Variants in WDR17 observed in about 807,000 individuals in gnomAD.
The protein encoded by WDR17 is WD repeat domain 17.
A neutral mutation model predicts 161.7 loss-of-function variants in WDR17; 143 were observed. The ratio of observed to expected loss-of-function variants is 0.88; its 90% CI spans 0.77 to 1.02. WDR17 has a LOEUF of 1.02. WDR17 is among the 50% of genes least tolerant of loss of function. The pLI, the probability that WDR17 is intolerant of heterozygous loss-of-function variation, is 0.00. For missense variants in WDR17, 1,469 were observed against 1,520.9 expected, an observed-to-expected ratio of 0.97 and a Z score of 0.57; for synonymous variants, 517 against 515.6, an observed-to-expected ratio of 1.00 and a Z score of -0.04.
intron 6 of WDR17, among the ~76,000 whole-genome samples, chr4:176,129,208 A>C (rs948811790): frequency 6.6e-6 from 1 of 152,114 alleles, no homozygotes; most frequent in Non-Finnish European, 1.5e-5. Flanking sequence ...GGGAGAATTT[A>C]TGTTTTAAAC....
rs1229238068 is a variant in WDR17, at chr4:176,135,219, G to A, written c.1210G>A (p.Ala404Thr). 3 of 1,612,350 alleles carry A rather than the reference G, an allele frequency of 1.9e-6. No individual in the cohort carries two copies. The highest frequency in any genetic ancestry group is 1.7e-6 in the Non-Finnish European group (2 of 1,178,680). The change falls in exon 8 of 29, where the codon GCA becomes ACA. Residue 404 changes from alanine (A) to threonine (T), a missense_variant. Coordinates refer to ENST00000508596, the MANE Select transcript of WDR17 (RefSeq NM_181265.4). ...IKVWDINTLTAVYTSPGNEGV... is the reference protein window; with the variant it reads ...IKVWDINTLTTVYTSPGNEGV... ...AGTCTGGGATATAAACACATTAACA[G>A]CAGTGTACACATCCCCGGGTAATGA...
At chr4:176,119,468 TA>T (rs1741192291) in intron 3 of WDR17, among the ~76,000 whole-genome samples, 1 of 152,160 alleles carries the variant, frequency 6.6e-6, no homozygotes, top group South Asian at 2.1e-4. Context: ...AACACACATT[TA>T]AAATTCTCTA....
intron 1 of WDR17, among the ~76,000 whole-genome samples, chr4:176,082,638 G>A (rs969848299): frequency 6.6e-6 from 1 of 152,086 alleles, no homozygotes; most frequent in Non-Finnish European, 1.5e-5. Context: ...GGAAGAAAAA[G>A]GGTGAGCTGA....
chr4:176,120,319 T>TAA (rs56183843), intron 4 of WDR17, among the ~76,000 whole-genome samples: 39 of 138,794 alleles, frequency 2.8e-4, no homozygotes, highest in African/African-American at 9.5e-4. Flanking sequence ...TATATATATA[T>TAA]AATACATTCA....
chr4:176,072,382 A>G (rs1015749308), intron 1 of WDR17, among the ~76,000 whole-genome samples: 1 of 152,228 alleles, frequency 6.6e-6, no homozygotes. Flanking sequence ...CTCCACTCCA[A>G]GGTTCTCATT....
chr4:176,111,046 A>C (rs1294303621), intron 1 of WDR17, among the ~76,000 whole-genome samples: 1 of 152,228 alleles, frequency 6.6e-6, no homozygotes, highest in Non-Finnish European at 1.5e-5. Flanking sequence ...TTTTGTGAGG[A>C]TGAAGAGTTG....
At chr4:176,158,833 C>T (rs1430057129) in intron 18 of WDR17, among the ~76,000 whole-genome samples, 1 of 152,164 alleles carries the variant, frequency 6.6e-6, no homozygotes, top group East Asian at 1.9e-4. Context: ...GTGGTCTCTC[C>T]ACAACTCCTG....
At chr4:176,145,872 T>G in intron 11 of WDR17, 123 bp from the exon 12 acceptor site, 1 of 794,448 alleles carries the variant, frequency 1.3e-6, no homozygotes, top group East Asian at 2.8e-5. Flanking sequence ...ATGTAAGTTT[T>G]TAGTCTAACT....
chr4:176,074,403 T>A (rs952670781), intron 1 of WDR17, among the ~76,000 whole-genome samples: 1 of 151,630 alleles, frequency 6.6e-6, no homozygotes, highest in Non-Finnish European at 1.5e-5. Context: ...TTGTGATATA[T>A]ACTACACATA....
chr4:176,145,654 C>A (rs1746040240), intron 11 of WDR17, among the ~76,000 whole-genome samples: 2 of 152,170 alleles, frequency 1.3e-5, no homozygotes, highest in African/African-American at 4.8e-5. Flanking sequence ...CTAAGTGTTG[C>A]AGAATGTAAA....
rs959218955 is a variant in WDR17 at position 176,128,803 on chromosome 4, T to G, written c.856T>G (p.Leu286Val). 13 of 1,606,916 alleles carry G rather than the reference T, an allele frequency of 8.1e-6. No homozygotes were observed. The highest frequency in any genetic ancestry group is 9.3e-6 in the Non-Finnish European group (11 of 1,177,102). The change falls in exon 6 of 29, where the codon TTA (leucine) becomes GTA (valine). Residue 286 changes from leucine (L) to valine (V), a missense_variant. Coordinates refer to ENST00000508596, the MANE Select transcript of WDR17 (RefSeq NM_181265.4). Reference sequence around the variant, plus strand: ...AACAACACCTATTGATAATCTTAAATTAAAGAAAACAGGATTTCACTGCTT... The same window carrying G: ...AACAACACCTATTGATAATCTTAAAGTAAAGAAAACAGGATTTCACTGCTT... The part of the protein sequence containing the change: ...SRTTPIDNLK[L>V]KKTGFHCLHV...
At chr4:176,177,208 G>C in intron 27 of WDR17, 52 bp downstream of exon 27, 1 of 1,488,794 alleles carries the variant, frequency 6.7e-7, no homozygotes. Flanking sequence ...TGATGTTATA[G>C]ACAAACTTGT....
At chr4:176,089,920 G>A (rs1442948890) in intron 1 of WDR17, among the ~76,000 whole-genome samples, 1 of 152,090 alleles carries the variant, frequency 6.6e-6, no homozygotes, top group African/African-American at 2.4e-5. Flanking sequence ...TGGAAATGAA[G>A]GTGTTCCATT....
At chr4:176,123,244 C>A (rs975876827) in intron 4 of WDR17, among the ~76,000 whole-genome samples, 2 of 152,102 alleles carry the variant, frequency 1.3e-5, no homozygotes, top group Admixed American at 6.5e-5. Flanking sequence ...GTGGAAAAAA[C>A]AGACTCAGTT....
At chr4:176,133,769 A>T (rs1579145306) in intron 7 of WDR17, among the ~76,000 whole-genome samples, 2 of 151,588 alleles carry the variant, frequency 1.3e-5, no homozygotes, top group Non-Finnish European at 3.0e-5. Flanking sequence ...ATTTTTTAAA[A>T]TCTTACATAA....
chr4:176,080,560 A>G (rs1410370147), intron 1 of WDR17, among the ~76,000 whole-genome samples: 1 of 152,144 alleles, frequency 6.6e-6, no homozygotes, highest in Admixed American at 6.6e-5. Flanking sequence ...CTGTGATCCA[A>G]CGTGGCAGCT....
intron 4 of WDR17, among the ~76,000 whole-genome samples, chr4:176,122,429 G>T (rs183112287): frequency 6.6e-6 from 1 of 152,138 alleles, no homozygotes; most frequent in Non-Finnish European, 1.5e-5. Context: ...ATACAGACTT[G>T]TTAACCTCAT....
At chr4:176,103,287 C>A (rs1738115058) in intron 1 of WDR17, among the ~76,000 whole-genome samples, 1 of 151,916 alleles carries the variant, frequency 6.6e-6, no homozygotes, top group South Asian at 2.1e-4. Flanking sequence ...ACACAGACAG[C>A]CCACAACAAT....
chr4:176,102,720 G>C (rs1040853585), intron 1 of WDR17, among the ~76,000 whole-genome samples: 2 of 152,128 alleles, frequency 1.3e-5, no homozygotes, highest in Non-Finnish European at 2.9e-5. Flanking sequence ...TCCCCACCTA[G>C]ACAACAATTG....
Sources: gnomAD v4.1 joint callset for allele counts (sites outside exome capture counted in the v4.1 genomes callset) on GRCh38, gnomAD v4.1.1 for gene constraint, MANE v1.5 for transcripts, NCBI Gene and HGNC (gene_info 2026-07-23, HGNC 2026-07-21) for gene names.